The following TMTC1 variants were observed in gnomAD, a reference collection of about 807,000 sequenced individuals.
TMTC1 encodes transmembrane O-mannosyltransferase targeting cadherins 1.
A neutral mutation model predicts 104.8 loss-of-function variants in TMTC1; 73 were observed. The observed-to-expected ratio is 0.70, with a 90% CI of 0.58 to 0.85. The LOEUF (loss-of-function observed/expected upper bound fraction) is 0.85. TMTC1 is among the 40% of genes least tolerant of loss of function. The pLI is 0.00. For synonymous variants in TMTC1, 434 were observed against 428.7 expected (o/e 1.01, Z -0.15); for missense variants, 1,035 against 1,096.1 (o/e 0.94, Z 0.79).
At chr12:29,637,047 C>A (rs1204983810) in intron 5 of TMTC1, among the ~76,000 whole-genome samples, 1 of 149,292 alleles carries the variant, frequency 6.7e-6, no homozygotes, top group African/African-American at 2.5e-5. Flanking sequence ...AGCAATAGAG[C>A]AAGATCCTGT....
At chr12:29,507,405 A>G (rs1425502268) in intron 17 of TMTC1, among the ~76,000 whole-genome samples, 1 of 152,220 alleles carries the variant, frequency 6.6e-6, no homozygotes. Context: ...AACTGCAAGA[A>G]GAATGATTAA....
At chr12:29,557,441 T>TAAAACA (rs544121791) in intron 9 of TMTC1, among the ~76,000 whole-genome samples, 12 of 152,248 alleles carry the variant, frequency 7.9e-5, no homozygotes, top group South Asian at 4.2e-4. Context: ...TAAACATCTT[T>TAAAACA]AAAACAAAAA....
rs960232599 is a variant in TMTC1, at chr12:29,503,554, T to C, written c.*3292A>G. The stretch of plus-strand genomic sequence containing the variant: ...GGCACAAAAAAAAGGAGAGGTTAGA[T>C]GGACTGGAAAAAGAGGGGTGATATA... On this transcript the variant is annotated 3_prime_UTR_variant, in exon 18 of 18. Coordinates refer to ENST00000539277, the MANE Select transcript of TMTC1 (RefSeq NM_001193451.2). 2 of 152,082 alleles carry C rather than the reference T, an allele frequency of 1.3e-5. No individual in the cohort carries two copies. The highest frequency in any genetic ancestry group is 4.8e-5 in the African/African-American group (2 of 41,400). 9.4% of individuals were successfully genotyped at this position (152,082 alleles called of 1,614,324 possible).
intron 6 of TMTC1, among the ~76,000 whole-genome samples, chr12:29,616,576 G>A (rs1162164845): frequency 1.3e-5 from 2 of 150,752 alleles, no homozygotes; most frequent in Admixed American, 6.6e-5. Flanking sequence ...GCTGAGGCAG[G>A]AGAATCGCTT....
chr12:29,587,731 C>T (rs1272149720), intron 7 of TMTC1, among the ~76,000 whole-genome samples: 7 of 152,168 alleles, frequency 4.6e-5, no homozygotes, highest in Admixed American at 4.6e-4. Context: ...AATACAGCCC[C>T]AAGTAAATAC....
At chr12:29,538,928 C>T (rs534420417) in intron 10 of TMTC1, among the ~76,000 whole-genome samples, 5 of 152,272 alleles carry the variant, frequency 3.3e-5, no homozygotes, top group East Asian at 3.9e-4. Flanking sequence ...GCTTGGGAGC[C>T]GCTGAGTGTC....
intron 5 of TMTC1, among the ~76,000 whole-genome samples, chr12:29,637,227 C>T (rs952082143): frequency 1.3e-5 from 2 of 152,114 alleles, no homozygotes; most frequent in Admixed American, 1.3e-4. Context: ...AGCTAGCTGT[C>T]CAACAGCTAC....
rs764964398 is a variant in TMTC1, at chr12:29,518,454, A to G, written c.2024+18T>C. The G allele has an allele frequency of 6.2e-6, 10 of 1,607,276 alleles. No individual in the cohort carries two copies. The highest frequency in any genetic ancestry group is 8.5e-6 in the Non-Finnish European group (10 of 1,175,756). The stretch of plus-strand genomic sequence containing the variant: ...GAGGTTCCTGGGCAACTTATAAAGA[A>G]AAGAAAGGGAACTTTACCGCTTGTA... On this transcript the variant is annotated intron_variant, in intron 13 of 17. Coordinates refer to ENST00000539277, the MANE Select transcript of TMTC1 (RefSeq NM_001193451.2).
intron 5 of TMTC1, among the ~76,000 whole-genome samples, chr12:29,664,095 G>A (rs1367007084): frequency 6.7e-6 from 1 of 150,306 alleles, no homozygotes; most frequent in Non-Finnish European, 1.5e-5. Context: ...GCTGAGGAAG[G>A]AGAATGGCGT....
intron 7 of TMTC1, among the ~76,000 whole-genome samples, chr12:29,585,406 T>A (rs1289295599): frequency 2.0e-5 from 3 of 152,326 alleles, no homozygotes; most frequent in South Asian, 4.1e-4. Context: ...TTTACTCTGA[T>A]GGTAGTTTCT....
chr12:29,502,854 T>A lies in TMTC1; in HGVS notation c.*3992A>T, dbSNP rs1943624312. 1 of 152,186 alleles carries A rather than the reference T, an allele frequency of 6.6e-6. No individual in the cohort carries two copies. The highest frequency in any genetic ancestry group is 6.5e-5 in the Admixed American group (1 of 15,272). The allele number at this position is 152,186 out of a possible 1,614,324, so 9.4% of individuals were successfully genotyped here. A position where few individuals can be genotyped will look rare whatever the true frequency, so the allele number is the denominator to read the frequency against. On this transcript the variant is annotated 3_prime_UTR_variant, in exon 18 of 18. Transcript: ENST00000539277. The stretch of plus-strand genomic sequence containing the variant: ...ACAGCCAGGATGATTCAACCGAAGA[T>A]TCCGAAAGGTCCTCAGGTGATTCCA...
chr12:29,703,593 C>T (rs547196250), intron 5 of TMTC1, among the ~76,000 whole-genome samples: 33 of 152,300 alleles, frequency 2.2e-4, no homozygotes, highest in Admixed American at 4.6e-4. Context: ...TGCCAAGACG[C>T]ATTTTTGCTA....
At chr12:29,596,782 A>C (rs960044513) in intron 7 of TMTC1, among the ~76,000 whole-genome samples, 4 of 152,234 alleles carry the variant, frequency 2.6e-5, no homozygotes, top group African/African-American at 4.8e-5. Context: ...GCCATAAAAC[A>C]AAAAGACTGA....
At chr12:29,722,847 G>C (rs1942273673) in intron 5 of TMTC1, among the ~76,000 whole-genome samples, 1 of 149,034 alleles carries the variant, frequency 6.7e-6, no homozygotes, top group Non-Finnish European at 1.5e-5. Flanking sequence ...CTTGAACCCG[G>C]GAGGCAGAGG....
chr12:29,574,304 C>T (rs2136306106), intron 8 of TMTC1, among the ~76,000 whole-genome samples: 1 of 152,246 alleles, frequency 6.6e-6, no homozygotes, highest in Non-Finnish European at 1.5e-5. Flanking sequence ...AGACTGGCCT[C>T]CCTACCAATA....
intron 6 of TMTC1, among the ~76,000 whole-genome samples, chr12:29,625,262 C>T (rs928821665): frequency 6.6e-6 from 1 of 152,176 alleles, no homozygotes; most frequent in African/African-American, 2.4e-5. Flanking sequence ...AGATTCAAAG[C>T]CCTTACCATC....
intron 5 of TMTC1, among the ~76,000 whole-genome samples, chr12:29,728,223 C>A (rs1164213027): frequency 6.6e-6 from 1 of 152,010 alleles, no homozygotes; most frequent in African/African-American, 2.4e-5. Context: ...GGGAGCGGAG[C>A]CAGATGCTGG....
In TMTC1 at chr12:29,710,603, T is replaced by C. The variant is rs1358729676; in HGVS notation, c.938+41063A>G. ...TATATATTTATATTTATTATACTTA[T>C]AATTTTTTATATTTATATTTATATT... On this transcript the variant is annotated intron_variant, in intron 5 of 17. Coordinates refer to ENST00000539277, the MANE Select transcript of TMTC1 (RefSeq NM_001193451.2). 6.9e-5 allele frequency among the ~76,000 whole-genome samples: 10 copies of C among 144,010 alleles called. No individual in the cohort carries two copies. In the East Asian group the frequency reaches 9.9e-4, roughly 14 times the overall value. The allele number at this position is 144,010 out of a possible 152,430, so 94.5% of individuals were successfully genotyped here. A position where few individuals can be genotyped will look rare whatever the true frequency, so the allele number is the denominator to read the frequency against.
chr12:29,748,979 C>T (rs2054438), intron 5 of TMTC1, among the ~76,000 whole-genome samples: 10,899 of 152,160 alleles, frequency 0.072, 615 homozygotes, highest in East Asian at 0.25. Flanking sequence ...CTATTGCATC[C>T]GTCTGGTAGA....
Sources: allele counts gnomAD v4.1 joint callset (sites outside exome capture counted in the v4.1 genomes callset), GRCh38; gene constraint gnomAD v4.1.1; transcripts MANE v1.5; gene names NCBI Gene and HGNC (gene_info 2026-07-23, HGNC 2026-07-21).